ART3: variants seen among roughly 807,000 people sequenced by gnomAD.
ART3 encodes ADP-ribosyltransferase 3 (inactive), also known as ecto-ADP-ribosyltransferase 3.
Under a neutral mutation model 48.5 loss-of-function variants are expected in ART3, and 49 were observed. That is an observed-to-expected ratio of 1.01 (90% CI 0.80 to 1.28). ART3 has a LOEUF of 1.28. Ranked by LOEUF, ART3 falls within the 50% of genes most tolerant of loss-of-function variation. ART3 has a pLI of 0.00. For synonymous variants in ART3, 145 were observed against 157.2 expected (o/e 0.92, Z 0.58); for missense variants, 438 against 454.3 (o/e 0.96, Z 0.33).
chr4:76,061,007 A>G (rs772473750), intron 1 of ART3, among the ~76,000 whole-genome samples: 8 of 152,228 alleles, frequency 5.3e-5, no homozygotes, highest in Non-Finnish European at 8.8e-5. Context: ...GATCTATGTT[A>G]GGCTTCTGAT....
exon 1 of ART3, chr4:76,011,254 C>G (rs1731761537): frequency 6.6e-6 from 1 of 152,474 alleles, no homozygotes; most frequent in Non-Finnish European, 1.5e-5. Context: ...CTCGTGTTGC[C>G]GCTGGGTACG....
intron 1 of ART3, among the ~76,000 whole-genome samples, chr4:76,044,260 A>G (rs915349968): frequency 1.3e-5 from 2 of 151,970 alleles, no homozygotes; most frequent in African/African-American, 2.4e-5. Flanking sequence ...CTTTTCCTGT[A>G]AACGCCGGGC....
At chr4:76,021,511 G>A (rs182871280) in intron 1 of ART3, 2 of 164,642 alleles carry the variant, frequency 1.2e-5, no homozygotes, top group Non-Finnish European at 2.6e-5. Context: ...AGTCCATGAA[G>A]TAAAGAGCAT....
intron 1 of ART3, among the ~76,000 whole-genome samples, chr4:76,016,489 A>G (rs1317598490): frequency 6.6e-6 from 1 of 152,130 alleles, no homozygotes; most frequent in East Asian, 1.9e-4. Flanking sequence ...ACCTGTGGCC[A>G]CCACCACTGA....
At chr4:76,012,152 G>C (rs1408374513) in intron 1 of ART3, 2 of 152,208 alleles carry the variant, frequency 1.3e-5, no homozygotes, top group African/African-American at 4.8e-5. Flanking sequence ...GTTTTCACAA[G>C]TGTGGCCCAG....
intron 11 of ART3, among the ~76,000 whole-genome samples, chr4:76,110,749 A>T (rs1205333251): frequency 6.6e-6 from 1 of 152,024 alleles, no homozygotes; most frequent in Non-Finnish European, 1.5e-5. Context: ...TTATACATGG[A>T]TTTTTTTTAA....
chr4:76,042,683 T>C (rs1735082284), intron 1 of ART3, among the ~76,000 whole-genome samples: 2 of 151,530 alleles, frequency 1.3e-5, no homozygotes. Context: ...TTCTGGTGGG[T>C]TCGTGGTCTC....
chr4:76,105,024 A>G (rs1728160112), intron 10 of ART3, among the ~76,000 whole-genome samples: 1 of 152,230 alleles, frequency 6.6e-6, no homozygotes, highest in Non-Finnish European at 1.5e-5. Context: ...AGCGTTTTCC[A>G]TTAGTTAAAT....
intron 1 of ART3, among the ~76,000 whole-genome samples, chr4:76,048,555 C>G (rs1735733636): frequency 6.6e-6 from 1 of 151,854 alleles, no homozygotes. Context: ...TCCCTGGACC[C>G]TGCTGATTGG....
upstream of ART3, among the ~76,000 whole-genome samples, chr4:76,071,092 A>G (rs1301666394): frequency 1.3e-5 from 2 of 152,008 alleles, no homozygotes; most frequent in Non-Finnish European, 2.9e-5. Flanking sequence ...GCTCATGCCT[A>G]TAATCTCAGC....
At chr4:76,024,752 T>C (rs1733212428) in intron 1 of ART3, among the ~76,000 whole-genome samples, 1 of 152,206 alleles carries the variant, frequency 6.6e-6, no homozygotes, top group Non-Finnish European at 1.5e-5. Context: ...TAGGAAAATA[T>C]ATGGGAGTTC....
chr4:76,106,157 G>A, intron 10 of ART3: 3 of 985,442 alleles, frequency 3.0e-6, no homozygotes, highest in Non-Finnish European at 3.6e-6. Flanking sequence ...ATAGGCTAGA[G>A]ACAACCAGGA....
rs560126764 is a variant in ART3, at chr4:76,023,776, G to A, written c.-10+12456G>A. On this transcript the variant is annotated intron_variant, in intron 1 of 9. Coordinates refer to the ART3 transcript ENST00000341029. ...TTCATTGCATATAGAAAAAAACAAA[G>A]GTTGCAATCCATTCTAACTATAATG... 3.9e-5 allele frequency among the ~76,000 whole-genome samples: 6 copies of A among 152,068 alleles called. No individual in the cohort carries two copies. In the South Asian group the frequency reaches 1.0e-3, roughly 26 times the overall value.
chr4:76,102,229 A>G (rs1286290540), intron 8 of ART3, among the ~76,000 whole-genome samples: 1 of 152,216 alleles, frequency 6.6e-6, no homozygotes, highest in Non-Finnish European at 1.5e-5. Context: ...ATTTCAGGCT[A>G]CCTTTTTTGT....
chr4:76,077,984 T>C lies in ART3; in HGVS notation c.69+2026T>C, dbSNP rs529498121. On this transcript the variant is annotated intron_variant, in intron 2 of 11. Coordinates refer to ENST00000355810, the MANE Select transcript of ART3 (RefSeq NM_001130016.3). The stretch of plus-strand genomic sequence containing the variant: ...TTTAAGTGTATTTGTTCTGTAATTG[T>C]TTCATGATTTGCTTAGCCAGTTTCT... Among the ~76,000 whole-genome samples, 103 of 152,242 alleles carry C rather than the reference T, an allele frequency of 6.8e-4. 1 individual carries two copies. The highest frequency in any genetic ancestry group is 1.1e-3 in the Non-Finnish European group (78 of 68,042).
chr4:76,103,926 T>C lies in ART3; in HGVS notation c.938-11T>C. 6.2e-7 allele frequency: 1 copy of C among 1,612,512 alleles called. No homozygotes were observed. The highest frequency in any genetic ancestry group is 1.1e-5 in the South Asian group (1 of 91,044). On this transcript the variant is annotated splice_polypyrimidine_tract_variant and intron_variant, in intron 8 of 11. Transcript: ENST00000355810. ...TGATTAATACAAACCAATATTTATT[T>C]CTGCCTTTAGGTGTGAAAATCCTTG...
At chr4:76,031,714 C>A (rs1733885801) in intron 1 of ART3, among the ~76,000 whole-genome samples, 2 of 152,206 alleles carry the variant, frequency 1.3e-5, no homozygotes, top group Non-Finnish European at 2.9e-5. Flanking sequence ...CTGTAAATTC[C>A]TTTTCCCTTA....
intron 1 of ART3, among the ~76,000 whole-genome samples, chr4:76,027,081 G>A (rs1471331798): frequency 6.6e-6 from 1 of 152,048 alleles, no homozygotes; most frequent in Admixed American, 6.5e-5. Flanking sequence ...GTGAAACCCT[G>A]TCTCTACTAA....
At chr4:76,014,071 A>G (rs1202611422) in intron 1 of ART3, among the ~76,000 whole-genome samples, 6 of 152,202 alleles carry the variant, frequency 3.9e-5, no homozygotes, top group Non-Finnish European at 8.8e-5. Context: ...ATTAAAAAAA[A>G]GAAAACACAA....
Sources: allele counts gnomAD v4.1 joint callset (sites outside exome capture counted in the v4.1 genomes callset), GRCh38; gene constraint gnomAD v4.1.1; transcripts MANE v1.5; gene names NCBI Gene and HGNC (gene_info 2026-07-23, HGNC 2026-07-21).